LARGE1: variants seen among roughly 807,000 people sequenced by gnomAD.
LARGE1 encodes xylosyl- and glucuronyltransferase LARGE1.
LARGE1 carries 43 observed loss-of-function variants against 87.6 expected under a neutral mutation model. That is an observed-to-expected ratio of 0.49 (90% CI 0.38 to 0.63). The LOEUF (loss-of-function observed/expected upper bound fraction) is 0.63, where lower values mean the gene tolerates loss of function less well. Ranked by LOEUF, LARGE1 falls within the 30% of genes least tolerant of loss-of-function variation. LARGE1 has a pLI of 0.00. For missense variants in LARGE1, 802 were observed against 1,000.2 expected (o/e 0.80, Z 2.67); for synonymous variants, 434 against 394.6 (o/e 1.10, Z -1.18).
intron 9 of LARGE1, among the ~76,000 whole-genome samples, chr22:33,357,443 A>T (rs1489010354): frequency 6.6e-6 from 1 of 152,142 alleles, no homozygotes; most frequent in East Asian, 1.9e-4. Context: ...AAAAGCCCCG[A>T]CTTCATCACT....
chr22:33,275,465 G>T (rs1929055644), intron 14 of LARGE1, among the ~76,000 whole-genome samples: 1 of 152,134 alleles, frequency 6.6e-6, no homozygotes, highest in South Asian at 2.1e-4. Context: ...GGCTGTTTTA[G>T]GTAGAACAAT....
chr22:33,881,274 G>T (rs2064675729), intron 1 of LARGE1, among the ~76,000 whole-genome samples: 3 of 152,182 alleles, frequency 2.0e-5, no homozygotes, highest in Admixed American at 1.3e-4. Context: ...CAAGCAACTT[G>T]CTCAAAGCCT....
chr22:33,855,694 T>C (rs546710613), intron 1 of LARGE1, among the ~76,000 whole-genome samples: 1 of 152,306 alleles, frequency 6.6e-6, no homozygotes, highest in South Asian at 2.1e-4. Flanking sequence ...TTAACACCAG[T>C]ATCTTAGTTT....
chr22:33,076,637 A>C, the LARGE1 span, among the ~76,000 whole-genome samples: 1 of 152,180 alleles, frequency 6.6e-6, no homozygotes, highest in South Asian at 2.1e-4. Flanking sequence ...TGAATGTTTC[A>C]GCTGGAAGAG....
At chr22:33,796,090 A>G (rs1184378862) in intron 1 of LARGE1, among the ~76,000 whole-genome samples, 6 of 152,042 alleles carry the variant, frequency 3.9e-5, no homozygotes, top group Non-Finnish European at 5.9e-5. Context: ...ATGCAAGTCA[A>G]TTGACATCTC....
rs947917214 is a variant in LARGE1 at position 33,920,192 on chromosome 22, T to A, written c.-280A>T. ...CGGCGAGGGTCCGGGTCCCCCAAGC[T>A]GAGCACTGTCCCTTCTTCCTCTTCC... On this transcript the variant is annotated 5_prime_UTR_variant, in exon 1 of 15. Coordinates refer to ENST00000397394, the MANE Select transcript of LARGE1 (RefSeq NM_133642.5). The A allele has an allele frequency of 6.6e-6, 1 of 152,560 alleles. No individual in the cohort carries two copies. Among genetic ancestry groups the A allele is most frequent in the Non-Finnish European group, 1.5e-5 (1 of 68,510 alleles). The allele number at this position is 152,560 out of a possible 1,614,324, so 9.5% of individuals were successfully genotyped here.
the LARGE1 span, among the ~76,000 whole-genome samples, chr22:33,135,264 AGTCCACACATT>A: frequency 1.3e-5 from 2 of 152,112 alleles, no homozygotes; most frequent in African/African-American, 4.8e-5. Flanking sequence ...GTTTCAGGGA[AGTCCACACATT>A]GTGCAAAGTT....
intron 2 of LARGE1, 71 bp from the exon 3 acceptor site, chr22:33,650,739 A>ACATCC (rs1302559951): frequency 6.5e-7 from 1 of 1,543,284 alleles, no homozygotes; most frequent in Non-Finnish European, 8.8e-7. Context: ...AGTTCCCCAG[A>ACATCC]CATCCCTTAC....
chr22:33,265,833 GAC>G (rs1343935696), intron 11 of LARGE1, among the ~76,000 whole-genome samples: 1 of 152,224 alleles, frequency 6.6e-6, no homozygotes, highest in Non-Finnish European at 1.5e-5. Flanking sequence ...GGTGTAAGGA[GAC>G]AGTGTTATGT....
At chr22:33,240,340 T>A in intron 11 of LARGE1, among the ~76,000 whole-genome samples, 1 of 152,234 alleles carries the variant, frequency 6.6e-6, no homozygotes, top group Non-Finnish European at 1.5e-5. Flanking sequence ...GCCTTCTTAT[T>A]ATTGATTTGA....
At chr22:33,829,062 G>A (rs1319001158) in intron 1 of LARGE1, among the ~76,000 whole-genome samples, 1 of 136,286 alleles carries the variant, frequency 7.3e-6, no homozygotes, top group African/African-American at 2.7e-5. Flanking sequence ...AGGCTGGAGT[G>A]CAGTGGCGTG....
chr22:33,375,895 T>C (rs2064977616), intron 9 of LARGE1, among the ~76,000 whole-genome samples: 1 of 152,182 alleles, frequency 6.6e-6, no homozygotes, highest in Admixed American at 6.5e-5. Flanking sequence ...CTACAGGCAC[T>C]TGCCACCAGC....
chr22:33,921,272 C>T (rs559750746), upstream of LARGE1, among the ~76,000 whole-genome samples: 1 of 152,256 alleles, frequency 6.6e-6, no homozygotes, highest in South Asian at 2.1e-4. This position sits in a 1 kb window ranked among gnomAD's most constrained non-coding sequence, Gnocchi z 4.1. Flanking sequence ...GGATCCCGGG[C>T]CGGGTCGGGA....
chr22:33,544,694 C>CAACAACAACCACA (rs1555952160), intron 6 of LARGE1, among the ~76,000 whole-genome samples: 19,798 of 136,466 alleles, frequency 0.15, 1,426 homozygotes, highest in African/African-American at 0.2. Context: ...AAACAACAAC[C>CAACAACAACCACA]ACAACAACAA....
intron 3 of LARGE1, among the ~76,000 whole-genome samples, chr22:33,643,665 G>A (rs576628322): frequency 2.0e-5 from 3 of 152,062 alleles, no homozygotes; most frequent in Non-Finnish European, 4.4e-5. Flanking sequence ...TAGGCCACTA[G>A]CTAGACTAAT....
At chr22:33,164,645 G>C (rs369959761) in exon 12 of LARGE1, 2 of 151,968 alleles carry the variant, frequency 1.3e-5, no homozygotes, top group East Asian at 3.9e-4. Flanking sequence ...AGCCTCCCAA[G>C]TAGCTGGGAT....
chr22:33,134,021 G>A, the LARGE1 span, among the ~76,000 whole-genome samples: 1 of 152,114 alleles, frequency 6.6e-6, no homozygotes, highest in Admixed American at 6.5e-5. Flanking sequence ...AAAATTTGCA[G>A]TACAATGAAA....
chr22:33,730,988 C>T (rs2083446444), intron 2 of LARGE1, among the ~76,000 whole-genome samples: 1 of 148,370 alleles, frequency 6.7e-6, no homozygotes, highest in Admixed American at 6.7e-5. Context: ...AACCACTGCG[C>T]CCAGCCTGCA....
intron 6 of LARGE1, among the ~76,000 whole-genome samples, chr22:33,545,419 A>AACACACACACACACACAC (rs55754949): frequency 0.014 from 2,035 of 143,986 alleles, 35 homozygotes; most frequent in African/African-American, 0.044. Flanking sequence ...ACACCCAGCT[A>AACACACACACACACACAC]ACACACACAC....
Sources: allele counts gnomAD v4.1 joint callset (sites outside exome capture counted in the v4.1 genomes callset), GRCh38; gene constraint gnomAD v4.1.1; non-coding constraint Gnocchi (gnomAD v3.1); transcripts MANE v1.5; gene names NCBI Gene and HGNC (gene_info 2026-07-23, HGNC 2026-07-21).